FAAH2: variants seen among roughly 807,000 people sequenced by gnomAD.
FAAH2 encodes the protein fatty-acid amide hydrolase 2.
A neutral mutation model predicts 36.9 loss-of-function variants in FAAH2; 60 were observed. The ratio of observed to expected loss-of-function variants is 1.63; its 90% CI spans 1.32 to 2.02. The LOEUF is 2.02. FAAH2 is among the 30% of genes most tolerant of loss of function. The pLI, the probability that FAAH2 is intolerant of heterozygous loss-of-function variation, is 0.00. For missense variants in FAAH2, 689 were observed against 397.5 expected, an observed-to-expected ratio of 1.73 and a Z score of -6.23; for synonymous variants, 214 against 143.8, an observed-to-expected ratio of 1.49 and a Z score of -3.49.
chrX:57,393,489 G>T (rs2055217004), intron 7 of FAAH2: 1 of 954,471 alleles, frequency 1.0e-6, no homozygotes, highest in African/African-American at 1.9e-5. Context: ...AGTGTGATCC[G>T]GTCTGCAATG....
the FAAH2 span, among the ~76,000 whole-genome samples, chrX:57,209,972 C>A: frequency 9.1e-6 from 1 of 109,728 alleles, no homozygotes; most frequent in Non-Finnish European, 1.9e-5. Context: ...ATAACAAGAC[C>A]TCAAAATTGC....
intron 7 of FAAH2, among the ~76,000 whole-genome samples, chrX:57,391,403 G>A (rs763380737): frequency 9.1e-6 from 1 of 110,373 alleles, no homozygotes; most frequent in South Asian, 3.8e-4. Context: ...AATGTCAGAA[G>A]TTTTTTCTAT....
At chrX:57,446,076 G>A (rs1298870357) in intron 8 of FAAH2, among the ~76,000 whole-genome samples, 1 of 112,058 alleles carries the variant, frequency 8.9e-6, no homozygotes, top group Non-Finnish European at 1.9e-5. Flanking sequence ...TTTTCCCTAT[G>A]TTGCATACCA....
At chrX:57,384,892 A>G (rs5960965) in intron 7 of FAAH2, among the ~76,000 whole-genome samples, 59,989 of 110,374 alleles carry the variant, frequency 0.54, 14,395 homozygotes, top group Non-Finnish European at 0.75. Context: ...AATGTCCAAC[A>G]ATGATAGACT....
the FAAH2 span, among the ~76,000 whole-genome samples, chrX:57,228,276 G>C: frequency 1.8e-5 from 2 of 111,276 alleles, no homozygotes; most frequent in Non-Finnish European, 3.8e-5. Flanking sequence ...GTGCCAGGCA[G>C]GAATTGTCTG....
chrX:57,242,187 A>G, the FAAH2 span, among the ~76,000 whole-genome samples: 1 of 111,743 alleles, frequency 8.9e-6, no homozygotes, highest in Non-Finnish European at 1.9e-5. Flanking sequence ...AGGGGTCAGC[A>G]GACACCTTAT....
the FAAH2 span, among the ~76,000 whole-genome samples, chrX:57,239,896 T>C: frequency 8.9e-6 from 1 of 112,265 alleles, no homozygotes; most frequent in Non-Finnish European, 1.9e-5. Context: ...TTTTGTTCTT[T>C]CTTAAAATGG....
At chrX:57,199,857 C>T in the FAAH2 span, among the ~76,000 whole-genome samples, 107 of 112,163 alleles carry the variant, frequency 9.5e-4, 2 homozygotes, top group East Asian at 0.027. Flanking sequence ...TTTGACTCTT[C>T]TTACAGTTTT....
the FAAH2 span, chrX:57,135,728 C>T: frequency 3.5e-6 from 4 of 1,150,185 alleles, no homozygotes; most frequent in Non-Finnish European, 2.3e-6. Flanking sequence ...TCAGGGATTC[C>T]ATAAGCTTTC....
intron 10 of FAAH2, chrX:57,452,140 C>A: frequency 1.3e-6 from 1 of 753,378 alleles, no homozygotes; most frequent in Non-Finnish European, 1.6e-6. Context: ...GGTGTCTGTA[C>A]TCAAAGATCT....
chrX:57,244,080 A>G, the FAAH2 span, among the ~76,000 whole-genome samples: 2 of 108,373 alleles, frequency 1.8e-5, no homozygotes, highest in East Asian at 3.0e-4. Context: ...AAAACATAGC[A>G]TGAGAACTTC....
At chrX:57,381,930 G>A (rs1040867560) in intron 7 of FAAH2, among the ~76,000 whole-genome samples, 5 of 111,235 alleles carry the variant, frequency 4.5e-5, no homozygotes, top group African/African-American at 1.6e-4. Flanking sequence ...TGGATGTAAA[G>A]CACTCCTCAG....
At chrX:57,380,227 C>A (rs760057824) in intron 6 of FAAH2, among the ~76,000 whole-genome samples, 1 of 110,586 alleles carries the variant, frequency 9.0e-6, no homozygotes, top group South Asian at 3.8e-4. Flanking sequence ...GTTTACTTAT[C>A]TCTATTCTTT....
chrX:57,176,038 T>C, the FAAH2 span, among the ~76,000 whole-genome samples: 1 of 111,657 alleles, frequency 9.0e-6, no homozygotes, highest in Admixed American at 9.5e-5. Context: ...TATAGCCTGA[T>C]GAATGTGTGC....
At chrX:57,265,242 G>C in the FAAH2 span, among the ~76,000 whole-genome samples, 1 of 111,453 alleles carries the variant, frequency 9.0e-6, no homozygotes, top group Non-Finnish European at 1.9e-5. Context: ...CAGCTTTCTG[G>C]GCTTCCTGGC....
intron 10 of FAAH2, among the ~76,000 whole-genome samples, chrX:57,482,735 GTCTGGGAAATATTTTATT>G (rs2057403600): frequency 3.5e-5 from 1 of 28,958 alleles, no homozygotes; most frequent in African/African-American, 1.1e-4. Context: ...TTTTTTGCTT[GTCTGGGAAATATTTTATT>G]TCTCCTTCAT....
chrX:57,419,087 T>G (rs1475825673), intron 7 of FAAH2, among the ~76,000 whole-genome samples: 2 of 107,755 alleles, frequency 1.9e-5, no homozygotes, highest in African/African-American at 3.4e-5. Flanking sequence ...ATGGTGTATA[T>G]GTGCCACATT....
intron 7 of FAAH2, chrX:57,394,758 T>C: frequency 1.1e-6 from 1 of 913,038 alleles, no homozygotes. Flanking sequence ...CCTTTAACCA[T>C]TTCAGGCCGA....
At chrX:57,321,066 G>C (rs1434735669) in intron 3 of FAAH2, among the ~76,000 whole-genome samples, 1 of 110,532 alleles carries the variant, frequency 9.0e-6, no homozygotes, top group African/African-American at 3.3e-5. Flanking sequence ...CGTGAATCTA[G>C]GAGGCGGAGT....
Sources: gnomAD v4.1 joint callset for allele counts (sites outside exome capture counted in the v4.1 genomes callset) on GRCh38, gnomAD v4.1.1 for gene constraint, MANE v1.5 for transcripts, NCBI Gene and HGNC (gene_info 2026-07-23, HGNC 2026-07-21) for gene names.